Variants in CTPS2 observed in about 807,000 individuals in gnomAD.
CTPS2 encodes the protein CTP synthase II.
In CTPS2, 19 loss-of-function variants were observed where a neutral mutation model predicts 46.8. That is an observed-to-expected ratio of 0.41 (90% CI 0.28 to 0.60). The LOEUF (loss-of-function observed/expected upper bound fraction) is 0.60, where lower values mean the gene tolerates loss of function less well. Ranked by LOEUF, CTPS2 falls within the 20% of genes least tolerant of loss-of-function variation. The pLI, the probability that CTPS2 is intolerant of heterozygous loss-of-function variation, is 0.35. For missense variants in CTPS2, 286 were observed against 447.6 expected (o/e 0.64, Z 3.26); for synonymous variants, 151 against 165.2 (o/e 0.91, Z 0.66).
At chrX:16,636,726 T>A (rs1451319057) in intron 14 of CTPS2, among the ~76,000 whole-genome samples, 2 of 110,688 alleles carry the variant, frequency 1.8e-5, no homozygotes, top group Non-Finnish European at 3.8e-5. Context: ...AGATCAAGAC[T>A]ATCCCGGCTA....
intron 13 of CTPS2, among the ~76,000 whole-genome samples, chrX:16,646,843 T>C (rs1369127069): frequency 9.0e-6 from 1 of 111,630 alleles, no homozygotes; most frequent in Non-Finnish European, 1.9e-5. Flanking sequence ...ACTCTTGGCT[T>C]TCCTAGGAAA....
At chrX:16,599,618 AGGCATGTG>A (rs1349179222) in intron 17 of CTPS2, among the ~76,000 whole-genome samples, 1 of 109,387 alleles carries the variant, frequency 9.1e-6, no homozygotes, top group Non-Finnish European at 1.9e-5. Flanking sequence ...CTGGGATTAC[AGGCATGTG>A]CCACCACGTC....
chrX:16,622,624 T>C (rs986531690), intron 14 of CTPS2, among the ~76,000 whole-genome samples: 1 of 110,717 alleles, frequency 9.0e-6, no homozygotes, highest in Non-Finnish European at 1.9e-5. Context: ...ATGGGGAAAA[T>C]GGCACAAATC....
chrX:16,670,052 C>T (rs1399637052), intron 11 of CTPS2, among the ~76,000 whole-genome samples: 2 of 74,291 alleles, frequency 2.7e-5, no homozygotes, highest in African/African-American at 1.6e-4. Context: ...AGCAAGACTC[C>T]ATCTCTTAAA....
At chrX:16,654,387 C>A in intron 13 of CTPS2, 2 of 1,088,206 alleles carry the variant, frequency 1.8e-6, no homozygotes, top group Non-Finnish European at 1.2e-6. Context: ...TTCTCCCATC[C>A]TTTTTTATGT....
chrX:16,604,553 A>AC (rs1420140343), intron 17 of CTPS2, among the ~76,000 whole-genome samples: 1 of 111,280 alleles, frequency 9.0e-6, no homozygotes, highest in Non-Finnish European at 1.9e-5. Context: ...CAGGCCAGGC[A>AC]CATTGGCCCA....
chrX:16,661,883 A>G (rs1391483596), intron 13 of CTPS2, among the ~76,000 whole-genome samples: 1 of 110,488 alleles, frequency 9.1e-6, no homozygotes, highest in Non-Finnish European at 1.9e-5. Context: ...TCAGGGTGTA[A>G]TATCTTATGT....
chrX:16,629,930 G>A (rs1376496317), intron 14 of CTPS2, among the ~76,000 whole-genome samples: 1 of 111,769 alleles, frequency 8.9e-6, no homozygotes, highest in Non-Finnish European at 1.9e-5. Context: ...TCTTTAATAC[G>A]AGGAAATGCA....
At chrX:16,595,162 TAC>T (rs10643985) in intron 17 of CTPS2, among the ~76,000 whole-genome samples, 1,722 of 102,445 alleles carry the variant, frequency 0.017, 20 homozygotes, top group African/African-American at 0.045. Flanking sequence ...AGCAATCTTT[TAC>T]ACACACACAC....
intron 17 of CTPS2, among the ~76,000 whole-genome samples, chrX:16,597,317 A>G (rs1169570647): frequency 8.9e-6 from 1 of 111,876 alleles, no homozygotes; most frequent in Non-Finnish European, 1.9e-5. Context: ...TAGGGTTTTT[A>G]TGGTTTTAGG....
intron 16 of CTPS2, among the ~76,000 whole-genome samples, chrX:16,611,433 AG>A (rs1166048931): frequency 9.2e-6 from 1 of 108,809 alleles, no homozygotes; most frequent in Non-Finnish European, 1.9e-5. Flanking sequence ...CCTGGGTGAC[AG>A]GGTGAGACCC....
intron 10 of CTPS2, among the ~76,000 whole-genome samples, chrX:16,673,119 C>G (rs1921918873): frequency 9.2e-6 from 1 of 108,816 alleles, no homozygotes; most frequent in Non-Finnish European, 1.9e-5. Flanking sequence ...ATCTCCTGAC[C>G]TCGTGATCCG....
intron 13 of CTPS2, among the ~76,000 whole-genome samples, chrX:16,653,963 G>T (rs1182175749): frequency 9.0e-6 from 1 of 111,090 alleles, no homozygotes; most frequent in East Asian, 2.8e-4. Context: ...CCTGCCTGCT[G>T]CCTCATGTAA....
At chrX:16,630,171 G>A (rs187849714) in intron 14 of CTPS2, among the ~76,000 whole-genome samples, 6 of 110,338 alleles carry the variant, frequency 5.4e-5, no homozygotes, top group East Asian at 5.7e-4. Context: ...ACAGAACTCC[G>A]GAAATCACCA....
At chrX:16,695,022 ACAACT>A (rs1434301749) in intron 4 of CTPS2, among the ~76,000 whole-genome samples, 1 of 110,587 alleles carries the variant, frequency 9.0e-6, no homozygotes, top group Non-Finnish European at 1.9e-5. Flanking sequence ...AACAACAACA[ACAACT>A]CAACGAAATG....
chrX:16,706,275 T>C (rs779048963), intron 1 of CTPS2, among the ~76,000 whole-genome samples: 1 of 99,726 alleles, frequency 1.0e-5, no homozygotes, highest in Admixed American at 1.1e-4. Context: ...AATAAAAAAT[T>C]AGCCAGGTGT....
intron 14 of CTPS2, among the ~76,000 whole-genome samples, chrX:16,631,895 A>G (rs1467142402): frequency 9.0e-6 from 1 of 111,399 alleles, no homozygotes; most frequent in African/African-American, 3.3e-5. Flanking sequence ...TTATTTTTGG[A>G]GTCTTAAAAC....
chrX:16,647,994 C>T (rs1165052372), intron 13 of CTPS2, among the ~76,000 whole-genome samples: 9 of 110,637 alleles, frequency 8.1e-5, no homozygotes, highest in Admixed American at 1.9e-4. Context: ...CCCAGCTACT[C>T]GGGAGGCTGA....
intron 14 of CTPS2, among the ~76,000 whole-genome samples, chrX:16,628,307 C>A (rs1194922368): frequency 9.0e-6 from 1 of 111,509 alleles, no homozygotes; most frequent in Non-Finnish European, 1.9e-5. Flanking sequence ...TTGAAAAATG[C>A]GTCTTTGCTT....
Sources: allele counts gnomAD v4.1 joint callset (sites outside exome capture counted in the v4.1 genomes callset), GRCh38; gene constraint gnomAD v4.1.1; transcripts MANE v1.5; gene names NCBI Gene and HGNC (gene_info 2026-07-23, HGNC 2026-07-21).